VWF: variants seen among roughly 807,000 people sequenced by gnomAD.
VWF encodes Factor VIII related antigen.
A neutral mutation model predicts 308.6 loss-of-function variants in VWF; 176 were observed. The observed-to-expected ratio is 0.57, with a 90% confidence interval of 0.50 to 0.65. VWF has a LOEUF of 0.65. Ranked by LOEUF, VWF falls within the 30% of genes least tolerant of loss-of-function variation. The pLI is 0.00. For missense variants in VWF, 3,146 were observed against 3,648.2 expected (o/e 0.86, Z 3.55); for synonymous variants, 1,385 against 1,443.4 (o/e 0.96, Z 0.92).
At chr12:6,065,313 G>C in intron 10 of VWF, 40 bp from the exon 11 acceptor site, 1 of 1,612,814 alleles carries the variant, frequency 6.2e-7, no homozygotes, top group Non-Finnish European at 8.5e-7. Flanking sequence ...TGGGAGGTGA[G>C]GGCACTTCCC....
In VWF at chr12:5,994,474, T is replaced by C. The variant is rs777974428; in HGVS notation, c.6197A>G (p.Asn2066Ser). Residue 2066 changes from asparagine (N) to serine (S), a missense_variant, in exon 36 of 52, where the codon AAT becomes AGT. Physicochemically the swap from Asn to Ser is conservative, Grantham distance 46. Around this residue, in one of 3 missense-constraint regions of VWF, gnomAD observed 989 missense variants for 1,117.4 expected, o/e 0.89. Transcript: ENST00000261405. ...GGGGCTGAGCTGCAGTTGGAACTCA[T>C]TGTTTTGTGGAGTGAATGTGAAGAT... ...GHIFTFTPQNNEFQLQLSPKT... is the reference protein window; with the variant it reads ...GHIFTFTPQNSEFQLQLSPKT... 83 of 1,614,058 alleles carry C rather than the reference T, an allele frequency of 5.1e-5. No individual in the cohort carries two copies. The highest frequency in any genetic ancestry group is 6.9e-5 in the Non-Finnish European group (82 of 1,180,028).
In VWF at chr12:5,971,690, T is replaced by A; in HGVS notation, c.7457A>T (p.His2486Leu). 1.2e-6 allele frequency: 2 copies of A among 1,614,170 alleles called. No homozygotes were observed. Among genetic ancestry groups the A allele is most frequent in the South Asian group, 1.1e-5 (1 of 91,084 alleles). Residue 2486 changes from histidine to leucine, a missense_variant, in exon 44 of 52, where the codon CAT (histidine) becomes CTT (leucine). Physicochemically the swap from His to Leu is moderately conservative, Grantham distance 99. This residue lies in a region of VWF where 989 missense variants were observed against 1,117.4 expected (regional missense o/e 0.89). Transcript: ENST00000261405. Reference protein sequence around the residue: ...SCRSGFTYVLHEGECCGRCLP... With the variant: ...SCRSGFTYVLLEGECCGRCLP... ...GCACCTTCCACAGCACTCGCCTTCA[T>A]GCAGAACGTAAGTGAAGCCCTGGAA... is the stretch of plus-strand genomic sequence containing the variant.
chr12:6,034,833 G>A lies in VWF; in HGVS notation c.2547-7C>T. 1 of 1,613,802 alleles carries A rather than the reference G, an allele frequency of 6.2e-7. No individual in the cohort carries two copies. The highest frequency in any genetic ancestry group is 1.3e-5 in the African/African-American group (1 of 75,062). On this transcript the variant is annotated splice_polypyrimidine_tract_variant and splice_region_variant and intron_variant, in intron 19 of 51. Transcript: ENST00000261405. ...CTTCCGGTCCTGACAGACACTAGGA[G>A]CAGTCATGGCAGAGATGACAAGTTG...
At chr12:6,071,267 G>A in intron 10 of VWF, 30 bp downstream of exon 10, 1 of 1,613,678 alleles carries the variant, frequency 6.2e-7, no homozygotes, top group Non-Finnish European at 8.5e-7. Flanking sequence ...TTCAGGGAAG[G>A]AGGAAGAGAA....
chr12:5,964,710 C>T (rs1164054002), intron 47 of VWF, among the ~76,000 whole-genome samples: 1 of 152,150 alleles, frequency 6.6e-6, no homozygotes, highest in Non-Finnish European at 1.5e-5. Context: ...GGCGTGTCTT[C>T]AGGAGCAGGC....
At chr12:6,007,700 T>C (rs1246987323) in intron 34 of VWF, among the ~76,000 whole-genome samples, 1 of 151,618 alleles carries the variant, frequency 6.6e-6, no homozygotes, top group African/African-American at 2.4e-5. Flanking sequence ...AGGAAGGAAA[T>C]AATAAAGATT....
At chr12:6,072,955 C>T (rs1944797878) in intron 8 of VWF, among the ~76,000 whole-genome samples, 1 of 151,880 alleles carries the variant, frequency 6.6e-6, no homozygotes, top group Admixed American at 6.6e-5. Context: ...CAACTTCCGC[C>T]GCCTGGGTTC....
chr12:5,954,890 A>T (rs528278596), intron 47 of VWF, among the ~76,000 whole-genome samples: 2 of 152,330 alleles, frequency 1.3e-5, no homozygotes, highest in South Asian at 4.1e-4. Context: ...CCTTCACAGT[A>T]AACACTGTGT....
rs1486396509 is a variant in VWF at position 6,001,277 on chromosome 12, G to A, written c.5843-5055C>T. Among the ~76,000 whole-genome samples the A allele has an allele frequency of 1.2e-4, 19 of 152,120 alleles. No individual in the cohort carries two copies. In the South Asian group the frequency reaches 2.5e-3, roughly 20 times the overall value. ...ACAAACAATTATAAAATATAATGACGAAAGAAGATCAAACACAAGATGGCA... is the reference window on the plus strand; with the variant it reads ...ACAAACAATTATAAAATATAATGACAAAAGAAGATCAAACACAAGATGGCA... On this transcript the variant is annotated intron_variant, in intron 34 of 51. Coordinates refer to ENST00000261405, the MANE Select transcript of VWF (RefSeq NM_000552.5).
In VWF at chr12:5,949,208, A is replaced by C. The variant is rs1943149767; in HGVS notation, c.8254-5T>G. ...GGCTTTGCTGGCACATTTGCCCTGC[A>C]AGAAAGCAGAGGAAGATGGGAGCTT... On this transcript the variant is annotated splice_polypyrimidine_tract_variant and splice_region_variant and intron_variant, in intron 51 of 51. Transcript: ENST00000261405. The C allele has an allele frequency of 2.5e-6, 4 of 1,613,574 alleles. No individual in the cohort carries two copies. The highest frequency in any genetic ancestry group is 3.4e-6 in the Non-Finnish European group (4 of 1,180,012).
intron 5 of VWF, 183 bp from the exon 6 acceptor site, chr12:6,095,767 T>A: frequency 1.3e-6 from 1 of 774,160 alleles, no homozygotes; most frequent in South Asian, 1.6e-5. Flanking sequence ...ATCCCACTAC[T>A]GAGCAGCACA....
rs1425077550 is a variant in VWF, at chr12:6,063,505, C to T, written c.1433-451G>A. Among the ~76,000 whole-genome samples, 3 of 152,188 alleles carry T rather than the reference C, an allele frequency of 2.0e-5. No homozygotes were observed. The highest frequency in any genetic ancestry group is 2.9e-5 in the Non-Finnish European group (2 of 68,002). ...AATTGTTGCTTCTGTGGGAAGGTGG[C>T]GACAGATAGGAGCACACCCCTTGCC... On this transcript the variant is annotated intron_variant, in intron 12 of 51. Coordinates refer to ENST00000261405, the MANE Select transcript of VWF (RefSeq NM_000552.5). This position sits in a 1 kb window ranked among gnomAD's most constrained non-coding sequence, Gnocchi z 4.9.
At chr12:6,085,824 C>T (rs2136486483) in intron 6 of VWF, among the ~76,000 whole-genome samples, 1 of 152,264 alleles carries the variant, frequency 6.6e-6, no homozygotes, top group African/African-American at 2.4e-5. Context: ...GTGCAGCAAA[C>T]TACCATGGCA....
At chr12:5,970,033 G>A (rs1943453044) in intron 44 of VWF, among the ~76,000 whole-genome samples, 1 of 152,142 alleles carries the variant, frequency 6.6e-6, no homozygotes, top group South Asian at 2.1e-4. Flanking sequence ...GCCATCTCAG[G>A]CCCTGACCTA....
chr12:6,084,007 A>G (rs1283462280), intron 6 of VWF, among the ~76,000 whole-genome samples: 1 of 152,192 alleles, frequency 6.6e-6, no homozygotes, highest in Admixed American at 6.5e-5. Flanking sequence ...GGATCCCAAC[A>G]CCATGAGATC....
chr12:6,055,815 G>T (rs1302679440), intron 15 of VWF, among the ~76,000 whole-genome samples: 1 of 130,916 alleles, frequency 7.6e-6, no homozygotes, highest in Non-Finnish European at 1.7e-5. Context: ...TTCTCTGTTG[G>T]CCAGGTCAGA....
intron 7 of VWF, 138 bp from the exon 8 acceptor site, chr12:6,073,879 C>A: frequency 4.5e-6 from 6 of 1,333,396 alleles, no homozygotes; most frequent in Admixed American, 4.0e-5. Context: ...TCCTTCTCAC[C>A]CCCAGTGAGC....
chr12:6,092,607 G>GTTAGTT (rs1565386586), intron 6 of VWF, among the ~76,000 whole-genome samples: 1 of 74,548 alleles, frequency 1.3e-5, no homozygotes, highest in African/African-American at 9.1e-5. Flanking sequence ...GCTAGTTAGT[G>GTTAGTT]AGTGAGTGAG....
intron 6 of VWF, among the ~76,000 whole-genome samples, chr12:6,078,932 A>C (rs1944874697): frequency 6.6e-6 from 1 of 152,208 alleles, no homozygotes; most frequent in Non-Finnish European, 1.5e-5. Context: ...AGCCTTAGCA[A>C]GAAGGGTGTT....
Sources: gnomAD v4.1 joint callset for allele counts (sites outside exome capture counted in the v4.1 genomes callset) on GRCh38, gnomAD v4.1.1 for gene constraint, gnomAD v4.1.1 regional missense constraint, Gnocchi (gnomAD v3.1) non-coding constraint, MANE v1.5 for transcripts, NCBI Gene and HGNC (gene_info 2026-07-23, HGNC 2026-07-21) for gene names.